CNBD1: variants seen among roughly 807,000 people sequenced by gnomAD.
CNBD1 encodes cyclic nucleotide binding domain containing 1.
In CNBD1, 71 loss-of-function variants were observed where a neutral mutation model predicts 54.4. That is an observed-to-expected ratio of 1.30 (90% confidence interval 1.08 to 1.59). The LOEUF is 1.59. Among genes scored for constraint, CNBD1 ranks in the 40% most tolerant of loss-of-function variants. The pLI, the probability that CNBD1 is intolerant of heterozygous loss-of-function variation, is 0.00. For missense variants in CNBD1, 659 were observed against 518.0 expected, an observed-to-expected ratio of 1.27 and a Z score of -2.64; for synonymous variants, 182 against 170.7, an observed-to-expected ratio of 1.07 and a Z score of -0.51.
intron 6 of CNBD1, among the ~76,000 whole-genome samples, chr8:87,279,328 C>G (rs1026972084): frequency 6.6e-6 from 1 of 150,974 alleles, no homozygotes; most frequent in African/African-American, 2.4e-5. Flanking sequence ...TTGATTAGCT[C>G]AAAATTTAGC....
At chr8:86,915,267 C>A (rs1055811585) in intron 3 of CNBD1, among the ~76,000 whole-genome samples, 1 of 151,966 alleles carries the variant, frequency 6.6e-6, no homozygotes, top group African/African-American at 2.4e-5. Flanking sequence ...ACTGGACATG[C>A]AAAAAGCCTG....
chr8:87,320,403 A>C (rs977576262), intron 8 of CNBD1, among the ~76,000 whole-genome samples: 1 of 152,072 alleles, frequency 6.6e-6, no homozygotes, highest in Non-Finnish European at 1.5e-5. Context: ...CCTTTATAAA[A>C]ATTGGCTGAA....
At chr8:87,155,276 G>A (rs1003713527) in intron 4 of CNBD1, among the ~76,000 whole-genome samples, 2 of 152,118 alleles carry the variant, frequency 1.3e-5, no homozygotes, top group Non-Finnish European at 2.9e-5. Flanking sequence ...AGATATTGAG[G>A]ATTTTGTCTT....
At chr8:87,135,053 AT>A (rs1175454186) in intron 4 of CNBD1, among the ~76,000 whole-genome samples, 1 of 152,152 alleles carries the variant, frequency 6.6e-6, no homozygotes, top group African/African-American at 2.4e-5. Flanking sequence ...CTAAAAATGT[AT>A]TTTGATGTTT....
At chr8:87,277,816 T>G (rs1808514345) in intron 6 of CNBD1, among the ~76,000 whole-genome samples, 1 of 151,512 alleles carries the variant, frequency 6.6e-6, no homozygotes, top group Admixed American at 6.6e-5. Flanking sequence ...ATACACAACA[T>G]CCAGCATTGA....
chr8:86,968,034 T>G (rs1242912621), intron 4 of CNBD1, among the ~76,000 whole-genome samples: 1 of 152,114 alleles, frequency 6.6e-6, no homozygotes, highest in Non-Finnish European at 1.5e-5. Context: ...TTACATGTGC[T>G]TCTGAGTATT....
chr8:87,212,457 A>AACTT (rs1221150030), intron 5 of CNBD1, among the ~76,000 whole-genome samples: 2 of 152,190 alleles, frequency 1.3e-5, no homozygotes, highest in African/African-American at 4.8e-5. Context: ...TCTATTTCAA[A>AACTT]ACTTACTACA....
intron 10 of CNBD1, among the ~76,000 whole-genome samples, chr8:87,370,794 T>A (rs1270804670): frequency 6.7e-6 from 1 of 149,628 alleles, no homozygotes; most frequent in African/African-American, 2.5e-5. Flanking sequence ...AGACATGAAG[T>A]CCTTGCCCAT....
At chr8:87,031,305 T>A (rs1809785522) in intron 4 of CNBD1, among the ~76,000 whole-genome samples, 2 of 152,034 alleles carry the variant, frequency 1.3e-5, no homozygotes, top group Non-Finnish European at 2.9e-5. Context: ...CACCACATCA[T>A]GGAAATGTTG....
chr8:87,005,299 G>C (rs749707844), intron 4 of CNBD1, among the ~76,000 whole-genome samples: 1 of 151,914 alleles, frequency 6.6e-6, no homozygotes, highest in African/African-American at 2.4e-5. Flanking sequence ...GAACCCAGGA[G>C]GCAGAGCTTG....
intron 4 of CNBD1, among the ~76,000 whole-genome samples, chr8:86,978,917 T>G (rs564101263): frequency 6.6e-6 from 1 of 152,168 alleles, no homozygotes; most frequent in African/African-American, 2.4e-5. Context: ...GTATAATCTA[T>G]GCCACAGTCT....
At chr8:87,141,084 G>A (rs1378922708) in intron 4 of CNBD1, among the ~76,000 whole-genome samples, 2 of 152,210 alleles carry the variant, frequency 1.3e-5, no homozygotes, top group South Asian at 2.1e-4. Context: ...AACATGTAAA[G>A]GTTGTGCAGT....
At chr8:87,048,496 A>C in intron 4 of CNBD1, among the ~76,000 whole-genome samples, 1 of 152,120 alleles carries the variant, frequency 6.6e-6, no homozygotes, top group East Asian at 1.9e-4. Flanking sequence ...TTTCATAAAG[A>C]CTGTGGTCTC....
chr8:87,379,497 C>A (rs1386131588), intron 10 of CNBD1, among the ~76,000 whole-genome samples: 1 of 151,698 alleles, frequency 6.6e-6, no homozygotes, highest in African/African-American at 2.4e-5. Flanking sequence ...CTCTCCCCAG[C>A]AAATGTAAAA....
chr8:87,003,749 G>A (rs62526211), intron 4 of CNBD1, among the ~76,000 whole-genome samples: 2 of 152,118 alleles, frequency 1.3e-5, no homozygotes, highest in African/African-American at 4.8e-5. Context: ...GGAGAAGGAG[G>A]AAATAGCAGT....
At chr8:87,211,272 C>T (rs751873344) in intron 5 of CNBD1, among the ~76,000 whole-genome samples, 3 of 152,090 alleles carry the variant, frequency 2.0e-5, no homozygotes, top group Non-Finnish European at 2.9e-5. Flanking sequence ...ATTTTATAGG[C>T]TCATAGGTGG....
intron 6 of CNBD1, among the ~76,000 whole-genome samples, chr8:87,258,897 C>T (rs11985778): frequency 0.29 from 43,362 of 151,978 alleles, 6,686 homozygotes; most frequent in African/African-American, 0.4. Context: ...AGAGTGTTTT[C>T]ACAAGGTTAA....
intron 4 of CNBD1, among the ~76,000 whole-genome samples, chr8:86,981,223 A>G (rs940686887): frequency 2.0e-5 from 3 of 152,304 alleles, no homozygotes; most frequent in East Asian, 1.9e-4. Context: ...AGAATGCCCA[A>G]GTATTATGGC....
At chr8:87,121,280 T>C (rs1388515129) in intron 4 of CNBD1, among the ~76,000 whole-genome samples, 3 of 151,754 alleles carry the variant, frequency 2.0e-5, no homozygotes, top group Non-Finnish European at 1.5e-5. Context: ...TAAGGAAATA[T>C]ATACATCTAT....
Sources: allele counts gnomAD v4.1 joint callset (sites outside exome capture counted in the v4.1 genomes callset), GRCh38; gene constraint gnomAD v4.1.1; transcripts MANE v1.5; gene names NCBI Gene and HGNC (gene_info 2026-07-23, HGNC 2026-07-21).